The following RBM27 variants were observed in gnomAD, a reference collection of about 807,000 sequenced individuals.
The protein encoded by RBM27 is RNA-binding protein 27.
In RBM27, 22 loss-of-function variants were observed where a neutral mutation model predicts 135.3. That is an observed-to-expected ratio of 0.16 (90% CI 0.12 to 0.23). The LOEUF is 0.23. RBM27 is among the 10% of genes least tolerant of loss of function. RBM27 has a pLI of 1.00. For synonymous variants in RBM27, 481 were observed against 442.4 expected (o/e 1.09, Z -1.10); for missense variants, 1,009 against 1,281.0 (o/e 0.79, Z 3.24).
At chr5:146,226,564 A>G (rs1756685010) in intron 3 of RBM27, among the ~76,000 whole-genome samples, 1 of 151,824 alleles carries the variant, frequency 6.6e-6, no homozygotes, top group Non-Finnish European at 1.5e-5. Context: ...TATTTTTAGT[A>G]GAGATAGAGT....
chr5:146,217,572 T>C (rs1227362441), intron 1 of RBM27, among the ~76,000 whole-genome samples: 1 of 145,740 alleles, frequency 6.9e-6, no homozygotes, highest in Non-Finnish European at 1.5e-5. Flanking sequence ...ACTCCTGGGC[T>C]CAAGGTGTCC....
chr5:146,203,619 C>T lies in RBM27; in HGVS notation c.-147C>T, dbSNP rs1755475895. ...GCTCTTGGGTTAGTTCCTGTTAGGC[C>T]CCGGCCGGGGGAGTAGGTTGAAGTC... On this transcript the variant is annotated 5_prime_UTR_variant, in exon 1 of 21. Coordinates refer to ENST00000265271, the MANE Select transcript of RBM27 (RefSeq NM_018989.2). 2 of 706,462 alleles carry T rather than the reference C, an allele frequency of 2.8e-6. No individual in the cohort carries two copies. The highest frequency in any genetic ancestry group is 4.8e-6 in the Non-Finnish European group (2 of 416,508). The allele number at this position is 706,462 out of a possible 1,614,324, so 43.8% of individuals were successfully genotyped here. A position where few individuals can be genotyped will look rare whatever the true frequency, so the allele number is the denominator to read the frequency against.
At chr5:146,255,129 T>C in intron 10 of RBM27, 37 bp downstream of exon 10, 1 of 1,564,662 alleles carries the variant, frequency 6.4e-7, no homozygotes, top group Non-Finnish European at 8.8e-7. Context: ...TGCTAAGTGT[T>C]ATGCAGTAGT....
chr5:146,282,335 A>T (rs1431340873), intron 19 of RBM27, among the ~76,000 whole-genome samples: 1 of 152,258 alleles, frequency 6.6e-6, no homozygotes, highest in East Asian at 1.9e-4. Context: ...TGTTTGGGTT[A>T]TTTCTACTAT....
intron 1 of RBM27, among the ~76,000 whole-genome samples, chr5:146,215,349 C>T (rs1278072152): frequency 1.3e-5 from 2 of 152,048 alleles, no homozygotes; most frequent in African/African-American, 2.4e-5. Flanking sequence ...TGCACCCAGC[C>T]GATATCTGGG....
In RBM27 at chr5:146,271,641, G is replaced by A. The variant is rs759860426; in HGVS notation, c.2955G>A (p.Glu985=). 1.2e-6 allele frequency: 2 copies of A among 1,612,988 alleles called. No homozygotes were observed. Among genetic ancestry groups the A allele is most frequent in the Middle Eastern group, 3.3e-4 (2 of 5,978 alleles). The stretch of plus-strand genomic sequence containing the variant: ...CACTAACAGTTGGAGGATTCATTGA[G>A]GAAGAAAAAGAAGACTTGCTTCAGC... The part of the protein sequence containing the change: ...PKALTVGGFI[E]EEKEDLLQHF... The change falls in exon 19 of 21, where the codon GAG becomes GAA. Residue 985 remains glutamate, a synonymous_variant. Transcript: ENST00000265271.
chr5:146,269,154 G>A (rs1758753791), intron 15 of RBM27, 53 bp from the exon 16 acceptor site: 3 of 1,356,484 alleles, frequency 2.2e-6, no homozygotes, highest in African/African-American at 2.9e-5. Flanking sequence ...AAAATGAGTT[G>A]AGAATGGTGG....
intron 1 of RBM27, among the ~76,000 whole-genome samples, chr5:146,210,351 A>G (rs1755879369): frequency 6.6e-6 from 1 of 152,166 alleles, no homozygotes; most frequent in Admixed American, 6.5e-5. Flanking sequence ...GGTATTTGCA[A>G]CTGATGAATG....
chr5:146,228,316 G>A (rs536415050), intron 3 of RBM27, among the ~76,000 whole-genome samples: 32 of 131,416 alleles, frequency 2.4e-4, no homozygotes, highest in African/African-American at 7.4e-4. Flanking sequence ...ACAAAGTCTC[G>A]TGTTGCCCAG....
chr5:146,214,355 A>G (rs1027322534), intron 1 of RBM27, among the ~76,000 whole-genome samples: 1 of 152,192 alleles, frequency 6.6e-6, no homozygotes, highest in Non-Finnish European at 1.5e-5. Context: ...ATGGATTCCC[A>G]TAAGCTTTAG....
chr5:146,248,775 GTTCT>G (rs1196344788), intron 8 of RBM27, among the ~76,000 whole-genome samples: 1 of 152,048 alleles, frequency 6.6e-6, no homozygotes, highest in African/African-American at 2.4e-5. Flanking sequence ...CTTTCTGTAT[GTTCT>G]TTGTCAGTAG....
At chr5:146,204,877 C>T (rs1421764807) in intron 1 of RBM27, among the ~76,000 whole-genome samples, 1 of 152,026 alleles carries the variant, frequency 6.6e-6, no homozygotes, top group Admixed American at 6.6e-5. Context: ...AAAGAGGTAA[C>T]AGATGTATCA....
At chr5:146,271,400 CAAA>C (rs372110410) in intron 18 of RBM27, 80 bp from the exon 19 acceptor site, 364 of 1,013,182 alleles carry the variant, frequency 3.6e-4, no homozygotes, top group South Asian at 6.3e-4. Flanking sequence ...AATTCCATCT[CAAA>C]AAAAAAAAAA....
At chr5:146,255,662 C>A (rs760013663) in intron 10 of RBM27, among the ~76,000 whole-genome samples, 2 of 152,056 alleles carry the variant, frequency 1.3e-5, no homozygotes, top group Non-Finnish European at 2.9e-5. Flanking sequence ...CCTACCTACT[C>A]CCCCACTAAA....
Position 146,287,049 on chromosome 5 carries a change from T to A in RBM27, c.*1019T>A, listed in dbSNP as rs1424536028. On this transcript the variant is annotated 3_prime_UTR_variant, in exon 21 of 21. Coordinates refer to ENST00000265271, the MANE Select transcript of RBM27 (RefSeq NM_018989.2). ...TCCCTCTTTTGAAGCTTCAGTTCAG[T>A]ATAGTTACACAGAAGGGTTTAAAAA... The A allele has an allele frequency of 1.3e-5, 2 of 149,314 alleles. No homozygotes were observed. Among genetic ancestry groups the A allele is most frequent in the African/African-American group, 5.0e-5 (2 of 40,284 alleles). The allele number at this position is 149,314 out of a possible 1,614,324, so 9.2% of individuals were successfully genotyped here.
At chr5:146,219,227 A>G in intron 2 of RBM27, 124 bp downstream of exon 2, 1 of 611,880 alleles carries the variant, frequency 1.6e-6, no homozygotes, top group East Asian at 2.8e-5. Flanking sequence ...GAATACTTGA[A>G]TATACCCATT....
chr5:146,270,488 G>GA (rs972185069), intron 17 of RBM27, among the ~76,000 whole-genome samples: 33 of 152,206 alleles, frequency 2.2e-4, no homozygotes, highest in African/African-American at 7.9e-4. Context: ...TTAAAGAGGT[G>GA]AAAAAATCAT....
intron 2 of RBM27, among the ~76,000 whole-genome samples, chr5:146,220,487 A>ATATATAT (rs1431897208): frequency 2.9e-5 from 4 of 138,664 alleles, no homozygotes; most frequent in Non-Finnish European, 6.3e-5. Flanking sequence ...AAAAAAAAAA[A>ATATATAT]AAATATATAT....
intron 17 of RBM27, among the ~76,000 whole-genome samples, chr5:146,270,411 T>C (rs1190888406): frequency 6.6e-6 from 1 of 152,174 alleles, no homozygotes; most frequent in Admixed American, 6.5e-5. Flanking sequence ...CTTAAAGATA[T>C]AATAAAAATG....
Sources: allele counts gnomAD v4.1 joint callset (sites outside exome capture counted in the v4.1 genomes callset), GRCh38; gene constraint gnomAD v4.1.1; transcripts MANE v1.5; gene names NCBI Gene and HGNC (gene_info 2026-07-23, HGNC 2026-07-21).